RBFOX1: variants seen among roughly 807,000 people sequenced by gnomAD.
RBFOX1 encodes the protein RNA binding protein fox-1 homolog 1.
In RBFOX1, 8 loss-of-function variants were observed where a neutral mutation model predicts 57.7. That is an observed-to-expected ratio of 0.14 (90% CI 0.08 to 0.25). The LOEUF (loss-of-function observed/expected upper bound fraction) is 0.25, where lower values mean the gene tolerates loss of function less well. RBFOX1 is among the 10% of genes least tolerant of loss of function. The pLI is 1.00. For missense variants in RBFOX1, 611 were observed against 548.5 expected (o/e 1.11, Z -1.14); for synonymous variants, 326 against 222.4 (o/e 1.47, Z -4.15).
chr16:7,036,235 G>A (rs2044381077), intron 3 of RBFOX1, among the ~76,000 whole-genome samples: 1 of 149,650 alleles, frequency 6.7e-6, no homozygotes. Context: ...CCTTGTAGTT[G>A]TTACATGATT....
In RBFOX1 at chr16:6,682,430, T is replaced by G. The variant is rs184105683; in HGVS notation, c.-16+27780T>G. Among the ~76,000 whole-genome samples the G allele has an allele frequency of 3.3e-3, 500 of 152,308 alleles. 5 individuals carry two copies. The highest frequency in any genetic ancestry group is 0.011 in the African/African-American group (445 of 41,570). On this transcript the variant is annotated intron_variant, in intron 3 of 15. Transcript: ENST00000550418. Reference sequence around the variant, plus strand: ...AAGACTAAAAAAAAAGTGTTTCATTTTATGGAAAAGGAAAGTTAGACATTT... The same window carrying G: ...AAGACTAAAAAAAAAGTGTTTCATTGTATGGAAAAGGAAAGTTAGACATTT...
chr16:6,332,849 T>G (rs1230070486), intron 2 of RBFOX1, among the ~76,000 whole-genome samples: 1 of 152,160 alleles, frequency 6.6e-6, no homozygotes, highest in Admixed American at 6.5e-5. Flanking sequence ...AATGTAGAGA[T>G]GAATCCTTCA....
At chr16:5,727,568 C>G (rs1185864677) in intron 3 of RBFOX1, among the ~76,000 whole-genome samples, 1 of 152,156 alleles carries the variant, frequency 6.6e-6, no homozygotes, top group Non-Finnish European at 1.5e-5. Flanking sequence ...TGATGTATAT[C>G]CGGTCTCCAG....
rs2060325103 is a variant in RBFOX1 at position 6,868,535 on chromosome 16, G to C, written c.-15-183522G>C. Among the ~76,000 whole-genome samples the C allele has an allele frequency of 3.3e-5, 5 of 152,020 alleles. 1 individual carries two copies. In the South Asian group the frequency reaches 8.3e-4, roughly 25 times the overall value. ...CACCCAGGCTGGAGTGCGGTAGTAT[G>C]ATAACGGCTCACTGCAACCTCTGCT... On this transcript the variant is annotated intron_variant, in intron 3 of 15. Transcript: ENST00000550418.
At chr16:5,415,935 T>C (rs1441833646) in intron 1 of RBFOX1, among the ~76,000 whole-genome samples, 2 of 152,308 alleles carry the variant, frequency 1.3e-5, no homozygotes, top group East Asian at 1.9e-4. Context: ...CAAATGTCCC[T>C]CTGCATGTGT....
At chr16:5,883,654 G>A (rs1291851526) in intron 4 of RBFOX1, among the ~76,000 whole-genome samples, 1 of 152,110 alleles carries the variant, frequency 6.6e-6, no homozygotes, top group Admixed American at 6.5e-5. Context: ...TGTCTAATAA[G>A]CCTGGTGTCT....
intron 4 of RBFOX1, among the ~76,000 whole-genome samples, chr16:7,087,095 G>A (rs1339442737): frequency 6.6e-6 from 1 of 152,194 alleles, no homozygotes; most frequent in Non-Finnish European, 1.5e-5. Flanking sequence ...GAAGAGTAAT[G>A]AGTCTGGGGA....
chr16:7,285,639 C>G (rs370165691), intron 4 of RBFOX1, among the ~76,000 whole-genome samples: 1 of 151,904 alleles, frequency 6.6e-6, no homozygotes, highest in Non-Finnish European at 1.5e-5. Context: ...TAGTACCTGA[C>G]TTTTAGGCAT....
chr16:5,288,389 A>G (rs1193396015), intron 1 of RBFOX1, among the ~76,000 whole-genome samples: 1 of 152,216 alleles, frequency 6.6e-6, no homozygotes. Context: ...TCCCTTCATA[A>G]TAACATTAGC....
At chr16:7,304,444 C>T in intron 4 of RBFOX1, 1 of 985,332 alleles carries the variant, frequency 1.0e-6, no homozygotes, top group Non-Finnish European at 1.2e-6. Flanking sequence ...GGGCATGTGT[C>T]CCCAGCTTTC....
chr16:7,028,569 A>T (rs141750336), intron 3 of RBFOX1, among the ~76,000 whole-genome samples: 1 of 135,890 alleles, frequency 7.4e-6, no homozygotes, highest in Non-Finnish European at 1.5e-5. Flanking sequence ...CCTGGGCAAT[A>T]AGAGTGAAAC....
At chr16:7,003,344 C>T (rs185132299) in intron 3 of RBFOX1, among the ~76,000 whole-genome samples, 1 of 151,992 alleles carries the variant, frequency 6.6e-6, no homozygotes, top group African/African-American at 2.4e-5. Context: ...CTTGTAGTCC[C>T]AGCTACTCAG....
At chr16:6,801,217 A>G (rs112617315) in intron 3 of RBFOX1, among the ~76,000 whole-genome samples, 30,280 of 145,212 alleles carry the variant, frequency 0.21, 4,087 homozygotes, top group Non-Finnish European at 0.3. Context: ...AAAAAAAAAA[A>G]GTAACGTTAC....
chr16:7,147,611 C>T (rs2152240922), intron 4 of RBFOX1, among the ~76,000 whole-genome samples: 1 of 152,280 alleles, frequency 6.6e-6, no homozygotes, highest in East Asian at 1.9e-4. Context: ...AGATTAATGG[C>T]TTCCAGCTGC....
rs990605976 is a variant in RBFOX1, at chr16:7,493,578, G to GAGTC, written c.28-24566_28-24563dup. Among the ~76,000 whole-genome samples, 15 of 152,294 alleles carry GAGTC rather than the reference G, an allele frequency of 9.8e-5. No individual in the cohort carries two copies. In the East Asian group the frequency reaches 1.9e-3, roughly 20 times the overall value. On this transcript the variant is annotated intron_variant, in intron 4 of 15. Transcript: ENST00000550418. ...TTACAAGGGGGAACACAGAGGTGTA[G>GAGTC]AGTCAGAGTCAGAGAGGAAGAAAAT...
chr16:5,971,175 A>T (rs2059954499), intron 4 of RBFOX1, among the ~76,000 whole-genome samples: 1 of 152,240 alleles, frequency 6.6e-6, no homozygotes, highest in African/African-American at 2.4e-5. Context: ...CTCTGGGGAT[A>T]GAGCAGTGAA....
rs779759319 is a variant in RBFOX1 at position 5,582,912 on chromosome 16, G to C, written c.259-15990G>C. ...TACCCTCTGTGGGCCTGGTTTGTGA[G>C]ATGAGCTAAAAATCAGTGATAATGT... On this transcript the variant is annotated intron_variant, in intron 2 of 2. Transcript: ENST00000585867. Among the ~76,000 whole-genome samples the C allele has an allele frequency of 4.7e-4, 72 of 152,188 alleles. 1 individual carries two copies. Among genetic ancestry groups the C allele is most frequent in the Non-Finnish European group, 1.5e-4 (10 of 68,034 alleles).
At chr16:6,065,371 G>A (rs909333821) in intron 1 of RBFOX1, among the ~76,000 whole-genome samples, 2 of 152,080 alleles carry the variant, frequency 1.3e-5, no homozygotes, top group African/African-American at 4.8e-5. Flanking sequence ...CACTGGGGAT[G>A]TCTGTTTTCA....
intron 1 of RBFOX1, among the ~76,000 whole-genome samples, chr16:6,308,122 A>G (rs1307474065): frequency 1.3e-5 from 2 of 151,560 alleles, no homozygotes; most frequent in East Asian, 1.9e-4. Flanking sequence ...ACTTTTATAA[A>G]TGATAATTTC....
Sources: allele counts gnomAD v4.1 joint callset (sites outside exome capture counted in the v4.1 genomes callset), GRCh38; gene constraint gnomAD v4.1.1; transcripts MANE v1.5; gene names NCBI Gene and HGNC (gene_info 2026-07-23, HGNC 2026-07-21).